The following KCND3 variants were observed in gnomAD, a reference collection of about 807,000 sequenced individuals.
The protein encoded by KCND3 is potassium voltage-gated channel subfamily D member 3, also known as A-type voltage-gated potassium channel KCND3.
A neutral mutation model predicts 51.1 loss-of-function variants in KCND3; 9 were observed. The observed-to-expected ratio is 0.18, with a 90% CI of 0.11 to 0.31. The LOEUF is 0.31. KCND3 is among the 10% of genes least tolerant of loss of function. The pLI, the probability that KCND3 is intolerant of heterozygous loss-of-function variation, is 1.00. For missense variants in KCND3, 526 were observed against 903.8 expected (o/e 0.58, Z 5.36); for synonymous variants, 349 against 368.0 (o/e 0.95, Z 0.59).
chr1:111,813,149 TG>T (rs1325560506), intron 2 of KCND3, among the ~76,000 whole-genome samples: 4 of 151,234 alleles, frequency 2.6e-5, no homozygotes, highest in Admixed American at 6.6e-5. Flanking sequence ...CATGTGGGAG[TG>T]GGGGTATGGG....
chr1:111,963,491 C>T (rs1188019531), intron 2 of KCND3, among the ~76,000 whole-genome samples: 2 of 152,200 alleles, frequency 1.3e-5, no homozygotes, highest in Non-Finnish European at 2.9e-5. Flanking sequence ...GATAGTAATG[C>T]CTACTTGATA....
chr1:111,778,491 C>T lies in KCND3; in HGVS notation c.1463G>A (p.Gly488Glu), dbSNP rs2101462495. The change falls in exon 6 of 8, where the codon GGG (glycine) becomes GAG (glutamate). Residue 488 changes from glycine to glutamate, a missense_variant and splice_region_variant. Gly to Glu is a moderately conservative substitution (Grantham distance 98, BLOSUM62 -2). This residue lies in a region of KCND3 where 266 missense variants were observed against 305.5 expected (regional missense o/e 0.87). Coordinates refer to ENST00000302127, the MANE Select transcript of KCND3 (RefSeq NM_001378969.1). Reference sequence around the variant, plus strand: ...GGGATCATCCACAAGATAGGACAACCCCTACAGGACAACATGCCAACAGAA... The same window carrying T: ...GGGATCATCCACAAGATAGGACAACTCCTACAGGACAACATGCCAACAGAA... ...HLLHCLEKTT[G>E]LSYLVDDPLL... 6.2e-7 allele frequency: 1 copy of T among 1,613,676 alleles called. No individual in the cohort carries two copies. Among genetic ancestry groups the T allele is most frequent in the Non-Finnish European group, 8.5e-7 (1 of 1,179,632 alleles).
intron 2 of KCND3, among the ~76,000 whole-genome samples, chr1:111,966,935 G>A (rs1557754153): frequency 2.0e-5 from 3 of 152,112 alleles, no homozygotes; most frequent in Non-Finnish European, 2.9e-5. Context: ...GAGATCAGGA[G>A]TTTGAGACCA....
At chr1:111,916,878 A>G (rs991697273) in intron 2 of KCND3, among the ~76,000 whole-genome samples, 8 of 152,238 alleles carry the variant, frequency 5.3e-5, no homozygotes, top group Non-Finnish European at 1.0e-4. Context: ...GAATAGCCCT[A>G]TATCTATTAA....
At chr1:111,973,663 T>C (rs1478039153) in intron 2 of KCND3, among the ~76,000 whole-genome samples, 2 of 152,244 alleles carry the variant, frequency 1.3e-5, no homozygotes, top group African/African-American at 4.8e-5. Context: ...GGCAGCTGCA[T>C]TAGTTGGAGA....
intron 2 of KCND3, among the ~76,000 whole-genome samples, chr1:111,880,962 C>A (rs1171006758): frequency 1.3e-5 from 2 of 152,180 alleles, no homozygotes; most frequent in African/African-American, 4.8e-5. Flanking sequence ...CCCTTGGCTC[C>A]CACATCCTCT....
chr1:111,975,280 C>A (rs1287676556), intron 2 of KCND3, among the ~76,000 whole-genome samples: 1 of 152,184 alleles, frequency 6.6e-6, no homozygotes, highest in Non-Finnish European at 1.5e-5. Context: ...GTCTCGGCTG[C>A]CCCTGGCCTT....
chr1:111,873,955 C>A (rs909463380), intron 2 of KCND3, among the ~76,000 whole-genome samples: 1 of 152,032 alleles, frequency 6.6e-6, no homozygotes, highest in Non-Finnish European at 1.5e-5. Context: ...AATCTGATTG[C>A]AGCCAACACT....
chr1:111,781,476 T>C (rs766648113), intron 3 of KCND3, among the ~76,000 whole-genome samples: 16 of 152,226 alleles, frequency 1.1e-4, no homozygotes, highest in Non-Finnish European at 2.4e-4. Context: ...AATAAACACA[T>C]TTACAATTGT....
At chr1:111,871,420 T>C (rs142888367) in intron 2 of KCND3, among the ~76,000 whole-genome samples, 1 of 152,020 alleles carries the variant, frequency 6.6e-6, no homozygotes, top group African/African-American at 2.4e-5. Flanking sequence ...GGTAACACAA[T>C]TGGTAGGTCC....
chr1:111,851,614 A>C (rs1667818694), intron 2 of KCND3, among the ~76,000 whole-genome samples: 1 of 152,154 alleles, frequency 6.6e-6, no homozygotes, highest in Admixed American at 6.5e-5. Context: ...TACAGTCTTT[A>C]CCCCATTGTA....
intron 2 of KCND3, among the ~76,000 whole-genome samples, chr1:111,868,144 A>C (rs1220856260): frequency 6.6e-6 from 1 of 152,176 alleles, no homozygotes; most frequent in African/African-American, 2.4e-5. Flanking sequence ...GAAAATATTA[A>C]ATGACAAAAA....
chr1:111,775,990 G>C lies in KCND3; in HGVS notation c.*87C>G. 1.5e-6 allele frequency: 2 copies of C among 1,369,350 alleles called. No individual in the cohort carries two copies. Among genetic ancestry groups the C allele is most frequent in the Non-Finnish European group, 2.1e-6 (2 of 959,772 alleles). 84.8% of individuals were successfully genotyped at this position (1,369,350 alleles called of 1,614,324 possible). ...GGCAGGCAGAAATAGTGGGGAAAGG[G>C]GGGAGGGAGTGGTCTCAGTGACCAC... On this transcript the variant is annotated 3_prime_UTR_variant, in exon 8 of 8. Transcript: ENST00000302127.
chr1:111,910,538 T>A (rs538257261), intron 2 of KCND3, among the ~76,000 whole-genome samples: 1 of 152,296 alleles, frequency 6.6e-6, no homozygotes, highest in South Asian at 2.1e-4. Context: ...TGACAGCAGC[T>A]TAGTCCCTGG....
intron 2 of KCND3, among the ~76,000 whole-genome samples, chr1:111,812,364 C>A (rs1307528225): frequency 2.0e-5 from 3 of 152,160 alleles, no homozygotes; most frequent in Non-Finnish European, 4.4e-5. Context: ...TCCCTGGGCA[C>A]CCAATGCTAC....
intron 2 of KCND3, among the ~76,000 whole-genome samples, chr1:111,918,093 T>C (rs1671306930): frequency 1.3e-5 from 2 of 152,182 alleles, no homozygotes; most frequent in South Asian, 4.1e-4. Flanking sequence ...TTGTGGCACA[T>C]AATAAGTGCT....
intron 1 of KCND3, among the ~76,000 whole-genome samples, chr1:111,985,998 G>A (rs1675255954): frequency 6.6e-6 from 1 of 152,224 alleles, no homozygotes; most frequent in African/African-American, 2.4e-5. Context: ...ACTGATAGAA[G>A]AGTCAGGAAC....
At chr1:111,951,562 T>C (rs1291154533) in intron 2 of KCND3, among the ~76,000 whole-genome samples, 2 of 152,196 alleles carry the variant, frequency 1.3e-5, no homozygotes, top group Admixed American at 6.5e-5. Flanking sequence ...AGGGCACTCA[T>C]TCATTCATTC....
At chr1:111,777,657 A>C (rs928011149) in intron 6 of KCND3, among the ~76,000 whole-genome samples, 1 of 152,222 alleles carries the variant, frequency 6.6e-6, no homozygotes, top group Non-Finnish European at 1.5e-5. Flanking sequence ...GTGGCAGATA[A>C]GGAGTCACTG....
Sources: gnomAD v4.1 joint callset for allele counts (sites outside exome capture counted in the v4.1 genomes callset) on GRCh38, gnomAD v4.1.1 for gene constraint, gnomAD v4.1.1 regional missense constraint, MANE v1.5 for transcripts, NCBI Gene and HGNC (gene_info 2026-07-23, HGNC 2026-07-21) for gene names.